LRBA: variants seen among roughly 807,000 people sequenced by gnomAD.
The protein encoded by LRBA is lipopolysaccharide-responsive and beige-like anchor protein.
LRBA carries 176 observed loss-of-function variants against 330.0 expected under a neutral mutation model. The observed-to-expected ratio is 0.53, with a 90% CI of 0.47 to 0.60. The LOEUF is 0.60. Among genes scored for constraint, LRBA ranks in the 20% least tolerant of loss-of-function variants. The pLI is 0.00. For synonymous variants in LRBA, 1,230 were observed against 1,193.0 expected (o/e 1.03, Z -0.64); for missense variants, 3,259 against 3,444.8 (o/e 0.95, Z 1.35).
At chr4:150,720,019 A>G (rs189399330) in intron 36 of LRBA, among the ~76,000 whole-genome samples, 1 of 152,300 alleles carries the variant, frequency 6.6e-6, no homozygotes, top group Admixed American at 6.5e-5. Flanking sequence ...TATTTCAAAT[A>G]AGCTCTTCCT....
intron 2 of LRBA, among the ~76,000 whole-genome samples, chr4:150,936,708 T>C (rs1009022573): frequency 6.6e-5 from 10 of 152,066 alleles, no homozygotes; most frequent in African/African-American, 2.4e-4. Flanking sequence ...TCAACAGTAT[T>C]TTCTAGAAGA....
chr4:150,684,235 G>A (rs898502617), intron 36 of LRBA, among the ~76,000 whole-genome samples: 1 of 152,190 alleles, frequency 6.6e-6, no homozygotes, highest in African/African-American at 2.4e-5. Flanking sequence ...ATGGATTGTA[G>A]TGGGACAAGA....
intron 47 of LRBA, among the ~76,000 whole-genome samples, chr4:150,371,182 A>ATTTTTTTTTTTTTTTTTTTTTT (rs70937395): frequency 1.1e-5 from 1 of 91,926 alleles, no homozygotes; most frequent in African/African-American, 4.8e-5. Context: ...AAGCTACTAA[A>ATTTTTTTTTTTTTTTTTTTTTT]TTTTTTTTTT....
chr4:150,890,209 A>G (rs1729323902), intron 17 of LRBA, among the ~76,000 whole-genome samples: 1 of 152,206 alleles, frequency 6.6e-6, no homozygotes, highest in African/African-American at 2.4e-5. Context: ...TTAGAATTGT[A>G]TCTGAAGGAA....
intron 40 of LRBA, among the ~76,000 whole-genome samples, chr4:150,511,166 C>T (rs1364703483): frequency 6.6e-6 from 1 of 152,006 alleles, no homozygotes; most frequent in Non-Finnish European, 1.5e-5. Context: ...CCTAACCTCT[C>T]AAATTCAACA....
chr4:150,346,767 A>AAAAAAAAAAAAAAAC (rs1736390816), intron 48 of LRBA, among the ~76,000 whole-genome samples: 1 of 101,330 alleles, frequency 9.9e-6, no homozygotes, highest in African/African-American at 2.8e-5. Flanking sequence ...CAAAAAAAAA[A>AAAAAAAAAAAAAAAC]AAAAAAAAAA....
chr4:150,795,019 T>G (rs1740577436), intron 34 of LRBA, among the ~76,000 whole-genome samples: 1 of 152,142 alleles, frequency 6.6e-6, no homozygotes, highest in Non-Finnish European at 1.5e-5. Context: ...TTAGATGTTT[T>G]GGGTTGAAAC....
At chr4:150,797,150 T>C (rs1277661682) in intron 34 of LRBA, among the ~76,000 whole-genome samples, 2 of 151,988 alleles carry the variant, frequency 1.3e-5, no homozygotes, top group Admixed American at 6.5e-5. Context: ...CTTTAATTTA[T>C]ATTCATGAAA....
intron 38 of LRBA, among the ~76,000 whole-genome samples, chr4:150,598,129 C>G (rs1044734700): frequency 1.3e-5 from 2 of 152,030 alleles, no homozygotes; most frequent in Admixed American, 1.3e-4. Context: ...TCCATTTAAT[C>G]ACAAGCTCCT....
intron 35 of LRBA, among the ~76,000 whole-genome samples, chr4:150,739,558 T>C (rs1056081470): frequency 1.3e-5 from 2 of 151,958 alleles, no homozygotes; most frequent in East Asian, 3.9e-4. Flanking sequence ...CCCTTTAGAG[T>C]GTAAGAAGGA....
At chr4:150,754,949 T>C (rs1167595417) in intron 35 of LRBA, among the ~76,000 whole-genome samples, 1 of 152,186 alleles carries the variant, frequency 6.6e-6, no homozygotes, top group Non-Finnish European at 1.5e-5. Context: ...AGCCACACTG[T>C]TTACTTACGT....
chr4:150,929,074 GAAA>G lies in LRBA; in HGVS notation c.217-12_217-10del, dbSNP rs766044503. ...AACTGTCCTCCTACCAACTTACAAG[GAAA>G]AAAAAAAAACACATTAAAAGCATTA... On this transcript the variant is annotated splice_polypyrimidine_tract_variant and intron_variant, in intron 2 of 56. Transcript: ENST00000651943. 1.6e-6 allele frequency: 2 copies of G among 1,234,776 alleles called. No homozygotes were observed. Among genetic ancestry groups the G allele is most frequent in the Non-Finnish European group, 2.2e-6 (2 of 906,212 alleles). 76.5% of individuals were successfully genotyped at this position (1,234,776 alleles called of 1,614,324 possible). A position where few individuals can be genotyped will look rare whatever the true frequency, so the allele number is the denominator to read the frequency against.
intron 47 of LRBA, among the ~76,000 whole-genome samples, chr4:150,351,330 G>A (rs1446054899): frequency 6.6e-6 from 1 of 152,088 alleles, no homozygotes; most frequent in Non-Finnish European, 1.5e-5. Flanking sequence ...TTATGGATTA[G>A]TTTAACGATA....
intron 37 of LRBA, among the ~76,000 whole-genome samples, chr4:150,661,216 A>G (rs1403810689): frequency 8.5e-5 from 13 of 152,102 alleles, no homozygotes; most frequent in Admixed American, 6.5e-4. Context: ...CACACCTGTA[A>G]TCCCAGCAAT....
chr4:150,964,428 G>T (rs531988749), intron 2 of LRBA, among the ~76,000 whole-genome samples: 1 of 149,776 alleles, frequency 6.7e-6, no homozygotes, highest in Non-Finnish European at 1.5e-5. Context: ...TTGTTATTGT[G>T]TCTGTGTGGA....
chr4:151,015,149 A>C (rs2149683197), intron 1 of LRBA, 53 bp downstream of exon 1: 1 of 153,654 alleles, frequency 6.5e-6, no homozygotes, highest in East Asian at 1.9e-4. Context: ...GAGGGATCGG[A>C]GGAAAGAAGG....
chr4:150,390,326 C>A (rs1743742802), intron 47 of LRBA, among the ~76,000 whole-genome samples: 1 of 152,134 alleles, frequency 6.6e-6, no homozygotes, highest in Non-Finnish European at 1.5e-5. Flanking sequence ...CTGGACTTAA[C>A]ACTTTGGCTA....
intron 37 of LRBA, among the ~76,000 whole-genome samples, chr4:150,671,041 T>TGTGTGTGTGAGAGA (rs779665914): frequency 7.0e-6 from 1 of 142,746 alleles, no homozygotes; most frequent in Non-Finnish European, 1.5e-5. Context: ...TGTGTGTGTG[T>TGTGTGTGTGAGAGA]GAGAGAGAGA....
intron 36 of LRBA, among the ~76,000 whole-genome samples, chr4:150,728,889 T>G (rs2127115947): frequency 6.6e-6 from 1 of 152,254 alleles, no homozygotes; most frequent in African/African-American, 2.4e-5. Flanking sequence ...GCATTTAAAT[T>G]GGAAAGGAGT....
Sources: allele counts gnomAD v4.1 joint callset (sites outside exome capture counted in the v4.1 genomes callset), GRCh38; gene constraint gnomAD v4.1.1; transcripts MANE v1.5; gene names NCBI Gene and HGNC (gene_info 2026-07-23, HGNC 2026-07-21).